The following BCL2 variants were observed in gnomAD, a reference collection of about 807,000 sequenced individuals.
BCL2 encodes apoptosis regulator Bcl-2.
Under a neutral mutation model 14.2 loss-of-function variants are expected in BCL2, and 1 was observed. The ratio of observed to expected loss-of-function variants is 0.07; its 90% CI spans 0.02 to 0.33. BCL2 has a LOEUF of 0.33. Among genes scored for constraint, BCL2 ranks in the 10% least tolerant of loss-of-function variants. The pLI, the probability that BCL2 is intolerant of heterozygous loss-of-function variation, is 0.99. For synonymous variants in BCL2, 151 were observed against 137.2 expected, an observed-to-expected ratio of 1.10 and a Z score of -0.70; for missense variants, 247 against 305.9, an observed-to-expected ratio of 0.81 and a Z score of 1.44.
intron 2 of BCL2, among the ~76,000 whole-genome samples, chr18:63,312,434 A>G (rs1318543787): frequency 6.6e-5 from 10 of 152,232 alleles, no homozygotes; most frequent in Admixed American, 6.5e-4. Context: ...GCATATACAG[A>G]ATTGGGCATA....
At chr18:63,257,553 T>C (rs139307036) in intron 2 of BCL2, among the ~76,000 whole-genome samples, 2 of 152,314 alleles carry the variant, frequency 1.3e-5, no homozygotes, top group East Asian at 3.9e-4. Flanking sequence ...ATCCTATCAA[T>C]AGAAGCTGTA....
intron 2 of BCL2, among the ~76,000 whole-genome samples, chr18:63,157,709 G>T (rs879369249): frequency 6.6e-6 from 1 of 152,180 alleles, no homozygotes; most frequent in South Asian, 2.1e-4. Flanking sequence ...AAGAGAAGGG[G>T]TGAGAAGCAG....
At chr18:63,198,869 A>G (rs1909578235) in intron 2 of BCL2, among the ~76,000 whole-genome samples, 2 of 151,968 alleles carry the variant, frequency 1.3e-5, no homozygotes, top group Non-Finnish European at 2.9e-5. Context: ...ACACAAAGAC[A>G]CACAGTGACA....
At chr18:63,144,484 A>G (rs145977574) in intron 2 of BCL2, among the ~76,000 whole-genome samples, 1 of 152,104 alleles carries the variant, frequency 6.6e-6, no homozygotes, top group East Asian at 1.9e-4. Context: ...CTTTTCAACT[A>G]TATTTTGCTT....
At position 63,193,613 on chromosome 18, in the gene BCL2, TAC is replaced by T. The variant is rs753621886; in HGVS notation, c.586-64856_586-64855del. On this transcript the variant is annotated intron_variant, in intron 2 of 2. Transcript: ENST00000333681. ...GTGTGTGTGTGTGTGTGTGTGTGTA[TAC>T]ACACACACACATACAAATACACACA... Among the ~76,000 whole-genome samples the T allele has an allele frequency of 3.9e-4, 58 of 148,092 alleles. 1 individual carries two copies. In the South Asian group the frequency reaches 5.8e-3, roughly 15 times the overall value.
At chr18:63,143,341 A>ACAG (rs1319175885) in intron 2 of BCL2, among the ~76,000 whole-genome samples, 1 of 152,244 alleles carries the variant, frequency 6.6e-6, no homozygotes, top group Non-Finnish European at 1.5e-5. Context: ...GGCACAGTTG[A>ACAG]CAGCTGGCTG....
At chr18:63,272,524 G>A (rs1912032321) in intron 2 of BCL2, among the ~76,000 whole-genome samples, 1 of 152,080 alleles carries the variant, frequency 6.6e-6, no homozygotes, top group African/African-American at 2.4e-5. Flanking sequence ...AAACAGAAAT[G>A]TTTTTTGTTT....
chr18:63,198,245 G>A (rs993278006), intron 2 of BCL2, among the ~76,000 whole-genome samples: 3 of 140,726 alleles, frequency 2.1e-5, no homozygotes, highest in East Asian at 2.1e-4. Context: ...CACTGACATA[G>A]AGACACACAC....
chr18:63,251,572 G>A (rs1297054220), intron 2 of BCL2, among the ~76,000 whole-genome samples: 1 of 150,080 alleles, frequency 6.7e-6, no homozygotes, highest in Non-Finnish European at 1.5e-5. Flanking sequence ...GTGAACCCGG[G>A]AGGCGGAGCT....
At chr18:63,255,894 T>C (rs375859243) in intron 2 of BCL2, among the ~76,000 whole-genome samples, 1 of 152,246 alleles carries the variant, frequency 6.6e-6, no homozygotes, top group South Asian at 2.1e-4. Context: ...ATTTTCTTCT[T>C]ATCTGAAGGG....
intron 2 of BCL2, among the ~76,000 whole-genome samples, chr18:63,260,000 C>A (rs1911607872): frequency 6.6e-6 from 1 of 152,218 alleles, no homozygotes; most frequent in Non-Finnish European, 1.5e-5. Flanking sequence ...AAAACATCAC[C>A]TCTCAACATA....
chr18:63,227,019 T>C (rs1006552669), intron 2 of BCL2, among the ~76,000 whole-genome samples: 1 of 151,914 alleles, frequency 6.6e-6, no homozygotes, highest in Non-Finnish European at 1.5e-5. Context: ...CCAAGCAGGA[T>C]TGTGGTGAAA....
Position 63,124,068 on chromosome 18 carries a change from C to T in BCL2, c.*4557G>A, listed in dbSNP as rs939459376. On this transcript the variant is annotated 3_prime_UTR_variant, in exon 3 of 3. Transcript: ENST00000333681. ...CCAGATGAACCGGTACAGTACCATT[C>T]ATGCTCCATCTGATTTTCTTTGCAT... is the stretch of plus-strand genomic sequence containing the variant. 1.4e-5 allele frequency: 3 copies of T among 221,668 alleles called. No homozygotes were observed. Among genetic ancestry groups the T allele is most frequent in the Non-Finnish European group, 2.7e-5 (3 of 110,844 alleles). The allele number at this position is 221,668 out of a possible 1,614,324, so 13.7% of individuals were successfully genotyped here. A position where few individuals can be genotyped will look rare whatever the true frequency, so the allele number is the denominator to read the frequency against.
At chr18:63,233,641 G>C (rs1048746420) in intron 2 of BCL2, among the ~76,000 whole-genome samples, 3 of 152,188 alleles carry the variant, frequency 2.0e-5, no homozygotes, top group African/African-American at 7.2e-5. Context: ...GGCTCAGGTG[G>C]TCATGCTGGC....
At chr18:63,264,307 G>A (rs748656118) in intron 2 of BCL2, among the ~76,000 whole-genome samples, 1 of 152,128 alleles carries the variant, frequency 6.6e-6, no homozygotes, top group Non-Finnish European at 1.5e-5. Context: ...GCACTGGACT[G>A]GATGCTTCAG....
intron 2 of BCL2, among the ~76,000 whole-genome samples, chr18:63,289,711 T>C (rs1270001985): frequency 6.6e-6 from 1 of 152,042 alleles, no homozygotes; most frequent in Non-Finnish European, 1.5e-5. Flanking sequence ...CTGGCCAACA[T>C]GGTGAAACCC....
chr18:63,158,696 G>A (rs1914844660), intron 2 of BCL2, among the ~76,000 whole-genome samples: 1 of 152,148 alleles, frequency 6.6e-6, no homozygotes, highest in South Asian at 2.1e-4. Flanking sequence ...ATGAAGCCAG[G>A]CCATTACTGG....
intron 2 of BCL2, among the ~76,000 whole-genome samples, chr18:63,158,855 T>C (rs781779122): frequency 8.5e-5 from 13 of 152,208 alleles, no homozygotes; most frequent in Non-Finnish European, 1.3e-4. Context: ...TTAAAAATCA[T>C]GTGAGTATAG....
chr18:63,181,417 T>C (rs1405182605), intron 2 of BCL2, among the ~76,000 whole-genome samples: 2 of 152,160 alleles, frequency 1.3e-5, no homozygotes, highest in African/African-American at 2.4e-5. Context: ...AGCTTTGCGA[T>C]TGGGACCTTC....
Sources: gnomAD v4.1 joint callset for allele counts (sites outside exome capture counted in the v4.1 genomes callset) on GRCh38, gnomAD v4.1.1 for gene constraint, MANE v1.5 for transcripts, NCBI Gene and HGNC (gene_info 2026-07-23, HGNC 2026-07-21) for gene names.